GRB14: variants seen among roughly 807,000 people sequenced by gnomAD.
The protein encoded by GRB14 is growth factor receptor-bound protein 14.
A neutral mutation model predicts 69.1 loss-of-function variants in GRB14; 38 were observed. The ratio of observed to expected loss-of-function variants is 0.55; its 90% CI spans 0.42 to 0.72. The LOEUF is 0.72. GRB14 is among the 30% of genes least tolerant of loss of function. The pLI is 0.00. For missense variants in GRB14, 666 were observed against 666.1 expected (o/e 1.00, Z 0.00); for synonymous variants, 247 against 241.3 (o/e 1.02, Z -0.22).
intron 3 of GRB14, among the ~76,000 whole-genome samples, chr2:164,537,543 G>A (rs1301875654): frequency 6.6e-6 from 1 of 152,140 alleles, no homozygotes; most frequent in Non-Finnish European, 1.5e-5. Context: ...GAGGACCTTG[G>A]ATCCAAATGC....
chr2:164,496,028 A>C (rs1479611227), intron 12 of GRB14, among the ~76,000 whole-genome samples: 2 of 152,196 alleles, frequency 1.3e-5, no homozygotes, highest in Non-Finnish European at 2.9e-5. Context: ...TGATTGTTCA[A>C]ATTTATTTCC....
intron 2 of GRB14, among the ~76,000 whole-genome samples, chr2:164,562,955 C>T (rs760819999): frequency 6.6e-6 from 1 of 152,184 alleles, no homozygotes; most frequent in Non-Finnish European, 1.5e-5. Flanking sequence ...GACACCCTTC[C>T]TGGTTGAGTA....
intron 2 of GRB14, among the ~76,000 whole-genome samples, chr2:164,583,376 G>T (rs1689459859): frequency 6.6e-6 from 1 of 152,176 alleles, no homozygotes; most frequent in Non-Finnish European, 1.5e-5. Flanking sequence ...GAAGTTAGGG[G>T]GGAGGTAGAA....
Position 164,497,269 on chromosome 2 carries a change from T to C in GRB14, c.1236A>G (p.Leu412=). ...EGLAWRKKGC[L]RLGTHGSPTA... ...TGGGGCTACCGTGAGTGCCCAGGCG[T>C]AAACATCCTTTTTTCTGAGCAAGGA... Residue 412 remains leucine (L), a synonymous_variant, in exon 11 of 14, where the codon TTA becomes TTG. Coordinates refer to ENST00000263915, the MANE Select transcript of GRB14 (RefSeq NM_004490.3). 1 of 1,613,102 alleles carries C rather than the reference T, an allele frequency of 6.2e-7. No homozygotes were observed. Among genetic ancestry groups the C allele is most frequent in the Non-Finnish European group, 8.5e-7 (1 of 1,179,672 alleles).
chr2:164,512,827 C>T (rs1191553585), intron 6 of GRB14, among the ~76,000 whole-genome samples: 1 of 152,146 alleles, frequency 6.6e-6, no homozygotes, highest in African/African-American at 2.4e-5. Flanking sequence ...AGACCATTAC[C>T]CAAACATCTG....
chr2:164,533,425 G>A (rs957090249), intron 3 of GRB14, among the ~76,000 whole-genome samples: 1 of 151,682 alleles, frequency 6.6e-6, no homozygotes, highest in African/African-American at 2.4e-5. Flanking sequence ...GTAGAGACGG[G>A]GTTTCACCAT....
intron 4 of GRB14, 97 bp from the exon 5 acceptor site, chr2:164,525,175 G>C (rs1687738119): frequency 2.4e-6 from 2 of 824,606 alleles, no homozygotes; most frequent in South Asian, 3.1e-5. Context: ...TCTTTAAACT[G>C]GTGTGACTAA....
At chr2:164,534,234 C>A (rs1268645158) in intron 3 of GRB14, among the ~76,000 whole-genome samples, 3 of 152,072 alleles carry the variant, frequency 2.0e-5, no homozygotes, top group Non-Finnish European at 4.4e-5. Context: ...ATTGTAGAAA[C>A]TGATTTTTAG....
intron 6 of GRB14, among the ~76,000 whole-genome samples, chr2:164,514,091 T>C (rs1687415256): frequency 6.6e-6 from 1 of 152,206 alleles, no homozygotes; most frequent in Non-Finnish European, 1.5e-5. Flanking sequence ...TAGACAAATA[T>C]ATCTATTCAT....
chr2:164,537,851 A>C (rs957080068), intron 3 of GRB14, among the ~76,000 whole-genome samples: 4 of 152,136 alleles, frequency 2.6e-5, no homozygotes, highest in African/African-American at 9.7e-5. Flanking sequence ...TATGGAAGGA[A>C]GCACAGTGCC....
chr2:164,584,147 A>ATTTTTTTTTTTTTTTTTTTTTT, intron 2 of GRB14, among the ~76,000 whole-genome samples: 1 of 49,898 alleles, frequency 2.0e-5, no homozygotes, highest in Non-Finnish European at 3.4e-5. Flanking sequence ...CAGCCTGGCT[A>ATTTTTTTTTTTTTTTTTTTTTT]TTTTTTTTTT....
At chr2:164,539,259 G>T (rs909630303) in intron 3 of GRB14, among the ~76,000 whole-genome samples, 2 of 152,204 alleles carry the variant, frequency 1.3e-5, no homozygotes, top group South Asian at 2.1e-4. Flanking sequence ...TGGATCACTT[G>T]AGGTCAGGAG....
At chr2:164,584,149 T>C (rs1689480569) in intron 2 of GRB14, among the ~76,000 whole-genome samples, 1 of 37,172 alleles carries the variant, frequency 2.7e-5, no homozygotes, top group South Asian at 7.9e-4. Flanking sequence ...GCCTGGCTAT[T>C]TTTTTTTTTT....
intron 2 of GRB14, among the ~76,000 whole-genome samples, chr2:164,563,413 C>T (rs1453223764): frequency 2.0e-5 from 3 of 152,104 alleles, no homozygotes; most frequent in Non-Finnish European, 2.9e-5. Flanking sequence ...ACTCCAGGCC[C>T]GCATTTCCTG....
At chr2:164,568,828 T>C (rs1476021981) in intron 2 of GRB14, among the ~76,000 whole-genome samples, 1 of 152,134 alleles carries the variant, frequency 6.6e-6, no homozygotes, top group Non-Finnish European at 1.5e-5. Flanking sequence ...AATTTACTTA[T>C]GCTATTCATA....
chr2:164,556,987 G>A (rs1330312979), intron 2 of GRB14, among the ~76,000 whole-genome samples: 1 of 152,044 alleles, frequency 6.6e-6, no homozygotes, highest in Non-Finnish European at 1.5e-5. Flanking sequence ...AACCTCTATG[G>A]GAGAAAAGAC....
At chr2:164,585,184 G>A (rs1689510889) in intron 2 of GRB14, among the ~76,000 whole-genome samples, 1 of 129,888 alleles carries the variant, frequency 7.7e-6, no homozygotes, top group South Asian at 2.6e-4. Flanking sequence ...CTGACCTCAG[G>A]TGATCTGCCC....
intron 3 of GRB14, among the ~76,000 whole-genome samples, chr2:164,529,558 G>A (rs1183363685): frequency 2.6e-5 from 4 of 151,954 alleles, no homozygotes; most frequent in Non-Finnish European, 5.9e-5. Context: ...ACTCACCTTT[G>A]CAACTTTCTC....
intron 2 of GRB14, among the ~76,000 whole-genome samples, chr2:164,614,655 G>A (rs1690243907): frequency 3.3e-5 from 5 of 152,108 alleles, no homozygotes; most frequent in Non-Finnish European, 7.4e-5. Flanking sequence ...GAAATAGATG[G>A]AGTAAATGAG....
Sources: allele counts gnomAD v4.1 joint callset (sites outside exome capture counted in the v4.1 genomes callset), GRCh38; gene constraint gnomAD v4.1.1; transcripts MANE v1.5; gene names NCBI Gene and HGNC (gene_info 2026-07-23, HGNC 2026-07-21).